EXOC4: variants seen among roughly 807,000 people sequenced by gnomAD.
EXOC4 encodes SEC8-like 1.
EXOC4 carries 71 observed loss-of-function variants against 107.2 expected under a neutral mutation model. That is an observed-to-expected ratio of 0.66 (90% CI 0.55 to 0.81). The LOEUF is 0.81. EXOC4 is among the 30% of genes least tolerant of loss of function. The pLI, the probability that EXOC4 is intolerant of heterozygous loss-of-function variation, is 0.00. For missense variants in EXOC4, 1,108 were observed against 1,189.6 expected, an observed-to-expected ratio of 0.93 and a Z score of 1.01; for synonymous variants, 456 against 441.2, an observed-to-expected ratio of 1.03 and a Z score of -0.42.
At chr7:133,709,871 C>T (rs1794848418) in intron 10 of EXOC4, among the ~76,000 whole-genome samples, 1 of 152,124 alleles carries the variant, frequency 6.6e-6, no homozygotes. Context: ...GAGTGCTTGG[C>T]ACATGGTAAA....
Position 133,288,927 on chromosome 7 carries a change from A to G in EXOC4, c.282A>G (p.Lys94=). 1 of 1,614,070 alleles carries G rather than the reference A, an allele frequency of 6.2e-7. No individual in the cohort carries two copies. Among genetic ancestry groups the G allele is most frequent in the Non-Finnish European group, 8.5e-7 (1 of 1,179,918 alleles). ...TNSRNKIKQV[K]ENLLSCKMLL... ...CCGAATCTGTTTTATTGTAGGTAAA[A>G]GAGAACCTGCTTTCATGCAAGATGC... Residue 94 remains lysine (K), a synonymous_variant, in exon 3 of 18, where the codon AAA becomes AAG. Coordinates refer to ENST00000253861, the MANE Select transcript of EXOC4 (RefSeq NM_021807.4).
At chr7:133,365,714 A>G (rs1471277750) in intron 6 of EXOC4, among the ~76,000 whole-genome samples, 1 of 152,218 alleles carries the variant, frequency 6.6e-6, no homozygotes, top group Non-Finnish European at 1.5e-5. Context: ...AGTAGGTATT[A>G]GATAACCTTG....
intron 14 of EXOC4, among the ~76,000 whole-genome samples, chr7:133,945,657 C>A (rs922220282): frequency 2.6e-5 from 4 of 152,194 alleles, no homozygotes; most frequent in South Asian, 2.1e-4. Context: ...GTAGATATGT[C>A]ATTGAAAATA....
chr7:133,416,513 T>C (rs1449421021), intron 7 of EXOC4, among the ~76,000 whole-genome samples: 1 of 152,134 alleles, frequency 6.6e-6, no homozygotes, highest in Non-Finnish European at 1.5e-5. Context: ...CAGAATATAG[T>C]CAGATGCATA....
At chr7:133,961,403 CAGCCTCCCGAGAAGCTGGGACTA>C (rs1477055939) in intron 14 of EXOC4, among the ~76,000 whole-genome samples, 1 of 147,212 alleles carries the variant, frequency 6.8e-6, no homozygotes, top group African/African-American at 2.5e-5. Flanking sequence ...TCTCATGCCT[CAGCCTCCCGAGAAGCTGGGACTA>C]CAGGCGCACG....
chr7:133,584,095 A>G (rs1801340608), intron 9 of EXOC4, among the ~76,000 whole-genome samples: 1 of 152,194 alleles, frequency 6.6e-6, no homozygotes, highest in African/African-American at 2.4e-5. Context: ...TGTAGGGAAC[A>G]AGAGCTCAGA....
intron 5 of EXOC4, among the ~76,000 whole-genome samples, chr7:133,336,882 C>T (rs192561758): frequency 0.013 from 2,042 of 151,988 alleles, 52 homozygotes; most frequent in African/African-American, 0.047. Flanking sequence ...TACAGGCACA[C>T]GCCACCATGC....
chr7:133,769,239 C>G (rs1796198349), intron 10 of EXOC4, among the ~76,000 whole-genome samples: 1 of 151,814 alleles, frequency 6.6e-6, no homozygotes, highest in Admixed American at 6.6e-5. Context: ...GTACTTGTAT[C>G]CGGAACTTAA....
At chr7:133,472,134 G>A (rs1309633544) in intron 7 of EXOC4, among the ~76,000 whole-genome samples, 7 of 152,150 alleles carry the variant, frequency 4.6e-5, no homozygotes, top group Admixed American at 3.3e-4. Context: ...AATAAGATAC[G>A]CTTGGAAATA....
At position 133,844,378 on chromosome 7, in the gene EXOC4, C is replaced by CATTT. The variant is rs1371732321; in HGVS notation, c.1734+26834_1734+26835insATTT. ...TAATTTCTTGGATTCCCACATATTCCTTTTTTTTTTTTTTTTTTTTTTTTT... is the reference window on the plus strand; with the variant it reads ...TAATTTCTTGGATTCCCACATATTCCATTTTTTTTTTTTTTTTTTTTTTTTTTTT... On this transcript the variant is annotated intron_variant, in intron 11 of 17. Coordinates refer to ENST00000253861, the MANE Select transcript of EXOC4 (RefSeq NM_021807.4). Among the ~76,000 whole-genome samples the CATTT allele has an allele frequency of 2.5e-4, 21 of 83,390 alleles. 1 individual carries two copies. The highest frequency in any genetic ancestry group is 3.1e-4 in the Non-Finnish European group (14 of 45,554). 54.7% of individuals were successfully genotyped at this position (83,390 alleles called of 152,430 possible).
intron 11 of EXOC4, among the ~76,000 whole-genome samples, chr7:133,853,340 T>A (rs1798275875): frequency 7.1e-6 from 1 of 140,590 alleles, no homozygotes; most frequent in Non-Finnish European, 1.5e-5. Flanking sequence ...TCTCTCTCTC[T>A]CTTTAACACA....
At chr7:133,435,490 A>C (rs1797950286) in intron 7 of EXOC4, among the ~76,000 whole-genome samples, 1 of 152,232 alleles carries the variant, frequency 6.6e-6, no homozygotes, top group Non-Finnish European at 1.5e-5. Flanking sequence ...ATAAGCGACC[A>C]GAAAGCACTC....
At chr7:133,885,138 AC>A (rs113418380) in intron 11 of EXOC4, among the ~76,000 whole-genome samples, 98 of 151,922 alleles carry the variant, frequency 6.5e-4, no homozygotes, top group African/African-American at 2.3e-3. Flanking sequence ...ACATGGTGAA[AC>A]CCCGTCTCTA....
intron 4 of EXOC4, among the ~76,000 whole-genome samples, chr7:133,311,317 T>TA (rs1794865844): frequency 6.6e-6 from 1 of 152,054 alleles, no homozygotes; most frequent in African/African-American, 2.4e-5. Context: ...CATGCAAAAA[T>TA]AAATTTTTTT....
the EXOC4 span, among the ~76,000 whole-genome samples, chr7:134,077,951 C>T: frequency 6.6e-6 from 1 of 152,156 alleles, no homozygotes; most frequent in Admixed American, 6.5e-5. Context: ...TTTTTCTTCT[C>T]CTTATGTTGA....
At chr7:133,375,428 G>A (rs1297342213) in intron 7 of EXOC4, among the ~76,000 whole-genome samples, 1 of 152,034 alleles carries the variant, frequency 6.6e-6, no homozygotes, top group Non-Finnish European at 1.5e-5. Context: ...GTGAGCCATT[G>A]TACCACTGCA....
chr7:133,372,568 G>T (rs190471420), intron 6 of EXOC4, among the ~76,000 whole-genome samples: 1 of 151,806 alleles, frequency 6.6e-6, no homozygotes. Flanking sequence ...TAAATGTAGC[G>T]CTGTTCCTGG....
intron 2 of EXOC4, among the ~76,000 whole-genome samples, chr7:133,286,686 C>T (rs538623186): frequency 6.6e-6 from 1 of 152,302 alleles, no homozygotes; most frequent in African/African-American, 2.4e-5. Context: ...AAGGGAGAAG[C>T]CATATGTCTC....
intron 9 of EXOC4, among the ~76,000 whole-genome samples, chr7:133,567,511 A>G: frequency 6.6e-6 from 1 of 152,168 alleles, no homozygotes; most frequent in East Asian, 1.9e-4. Flanking sequence ...GCATGTGCTA[A>G]TATGTCTGTA....
Sources: gnomAD v4.1 joint callset for allele counts (sites outside exome capture counted in the v4.1 genomes callset) on GRCh38, gnomAD v4.1.1 for gene constraint, MANE v1.5 for transcripts, NCBI Gene and HGNC (gene_info 2026-07-23, HGNC 2026-07-21) for gene names.